CHRM3: variants seen among roughly 807,000 people sequenced by gnomAD.
CHRM3 encodes muscarinic acetylcholine receptor M3.
A neutral mutation model predicts 41.8 loss-of-function variants in CHRM3; 11 were observed. That is an observed-to-expected ratio of 0.26 (90% CI 0.17 to 0.44). The LOEUF (loss-of-function observed/expected upper bound fraction) is 0.44, where lower values mean the gene tolerates loss of function less well. Ranked by LOEUF, CHRM3 falls within the 20% of genes least tolerant of loss-of-function variation. The pLI, the probability that CHRM3 is intolerant of heterozygous loss-of-function variation, is 1.00. For missense variants in CHRM3, 571 were observed against 745.4 expected (o/e 0.77, Z 2.72); for synonymous variants, 297 against 301.4 (o/e 0.99, Z 0.15).
chr1:239,489,877 C>A (rs1320819073), intron 1 of CHRM3, among the ~76,000 whole-genome samples: 1 of 152,220 alleles, frequency 6.6e-6, no homozygotes, highest in Middle Eastern at 3.4e-3. Context: ...ATGGACAGTT[C>A]TCATGGGAAG....
intron 6 of CHRM3, among the ~76,000 whole-genome samples, chr1:239,886,909 C>T (rs1018154283): frequency 1.3e-5 from 2 of 152,150 alleles, no homozygotes; most frequent in Admixed American, 6.5e-5. Flanking sequence ...ATCAAAGCGA[C>T]CTTTTCTTTG....
chr1:239,394,998 A>G (rs1659357200), intron 1 of CHRM3, among the ~76,000 whole-genome samples: 1 of 152,082 alleles, frequency 6.6e-6, no homozygotes, highest in Admixed American at 6.5e-5. Flanking sequence ...TATAGCAATG[A>G]CTTCTCCAAA....
chr1:239,733,738 T>C (rs1472656092), intron 5 of CHRM3, among the ~76,000 whole-genome samples: 1 of 152,086 alleles, frequency 6.6e-6, no homozygotes, highest in East Asian at 1.9e-4. Flanking sequence ...TGTTGCTTAA[T>C]GTATGGCTTC....
chr1:239,696,827 AC>A (rs1660239826), intron 5 of CHRM3, among the ~76,000 whole-genome samples: 1 of 152,210 alleles, frequency 6.6e-6, no homozygotes, highest in African/African-American at 2.4e-5. Context: ...AAGCCTCAGG[AC>A]AAAAACAAAA....
intron 3 of CHRM3, among the ~76,000 whole-genome samples, chr1:239,615,189 G>A (rs1340869449): frequency 6.6e-6 from 1 of 152,146 alleles, no homozygotes; most frequent in Non-Finnish European, 1.5e-5. Flanking sequence ...CACTTTCTAT[G>A]TCCCAGACAT....
chr1:239,615,747 G>C (rs1253164625), intron 3 of CHRM3, among the ~76,000 whole-genome samples: 1 of 152,052 alleles, frequency 6.6e-6, no homozygotes, highest in South Asian at 2.1e-4. Context: ...CCTCATCCTG[G>C]ATGTAATTGA....
chr1:239,804,203 A>G (rs772696615), intron 5 of CHRM3, among the ~76,000 whole-genome samples: 2 of 152,208 alleles, frequency 1.3e-5, no homozygotes, highest in Non-Finnish European at 2.9e-5. Context: ...CAAGAGCAAA[A>G]GCACTGGAAG....
chr1:239,882,877 C>G (rs1382952478), intron 6 of CHRM3, among the ~76,000 whole-genome samples: 1 of 152,184 alleles, frequency 6.6e-6, no homozygotes, highest in Non-Finnish European at 1.5e-5. Context: ...TTCAATAAAC[C>G]TATGAAGAAG....
intron 4 of CHRM3, among the ~76,000 whole-genome samples, chr1:239,653,091 A>G (rs894945257): frequency 1.2e-4 from 18 of 152,204 alleles, no homozygotes; most frequent in Admixed American, 1.2e-3. Flanking sequence ...GAACTATTAC[A>G]ATAGGGAGAA....
rs1362140238 is a variant in CHRM3 at position 239,915,292 on chromosome 1, CAGT to C, written c.*6071_*6073del. The C allele has an allele frequency of 6.0e-6, 1 of 167,070 alleles. No individual in the cohort carries two copies. The highest frequency in any genetic ancestry group is 1.5e-5 in the Non-Finnish European group (1 of 68,116). The allele number at this position is 167,070 out of a possible 1,614,324, so 10.3% of individuals were successfully genotyped here. A position where few individuals can be genotyped will look rare whatever the true frequency, so the allele number is the denominator to read the frequency against. On this transcript the variant is annotated 3_prime_UTR_variant, in exon 7 of 7. Transcript: ENST00000676153. ...TATTACCTCGTGGCCAGCACTTCCTCAGTAGGCATTTCAGGTGTGTCACAAACC... is the reference window on the plus strand; with the variant it reads ...TATTACCTCGTGGCCAGCACTTCCTCAGGCATTTCAGGTGTGTCACAAACC...
At chr1:239,754,208 AT>A (rs1223081220) in intron 5 of CHRM3, among the ~76,000 whole-genome samples, 1 of 152,220 alleles carries the variant, frequency 6.6e-6, no homozygotes, top group African/African-American at 2.4e-5. Context: ...GTCAGAGGAA[AT>A]GTATCTTATG....
At chr1:239,441,201 C>T (rs370983760) in intron 1 of CHRM3, among the ~76,000 whole-genome samples, 20 of 152,156 alleles carry the variant, frequency 1.3e-4, no homozygotes, top group East Asian at 1.2e-3. Context: ...TGGGAAGGCA[C>T]GCTTATAATT....
chr1:239,457,568 G>A (rs1342352406), intron 1 of CHRM3, among the ~76,000 whole-genome samples: 4 of 152,056 alleles, frequency 2.6e-5, no homozygotes, highest in Non-Finnish European at 5.9e-5. Flanking sequence ...TTAAATTTGA[G>A]GTTTTGTCTA....
intron 5 of CHRM3, among the ~76,000 whole-genome samples, chr1:239,810,534 T>A (rs1182939167): frequency 1.3e-5 from 2 of 152,172 alleles, no homozygotes; most frequent in Non-Finnish European, 2.9e-5. Context: ...GATTTCCAAA[T>A]GATGTGTTTA....
At chr1:239,616,243 A>G (rs2148782084) in intron 3 of CHRM3, among the ~76,000 whole-genome samples, 1 of 152,300 alleles carries the variant, frequency 6.6e-6, no homozygotes, top group Non-Finnish European at 1.5e-5. Context: ...ATGTCTTTTT[A>G]AAGATTGTTT....
chr1:239,866,105 C>G (rs763211566), intron 6 of CHRM3, among the ~76,000 whole-genome samples: 1 of 152,106 alleles, frequency 6.6e-6, no homozygotes, highest in Non-Finnish European at 1.5e-5. Flanking sequence ...AGGCCGGGCA[C>G]GGTGGCTCAC....
chr1:239,410,519 C>A (rs531409646), intron 1 of CHRM3, among the ~76,000 whole-genome samples: 1 of 152,260 alleles, frequency 6.6e-6, no homozygotes, highest in South Asian at 2.1e-4. Context: ...ATGCACACAT[C>A]AGTCATTTCC....
At chr1:239,472,207 G>A (rs909275605) in intron 1 of CHRM3, among the ~76,000 whole-genome samples, 5 of 152,142 alleles carry the variant, frequency 3.3e-5, no homozygotes, top group African/African-American at 7.2e-5. Context: ...GGCCCATCCC[G>A]TCTTGTAGAT....
At chr1:239,650,817 T>C (rs1487846694) in intron 4 of CHRM3, among the ~76,000 whole-genome samples, 1 of 152,230 alleles carries the variant, frequency 6.6e-6, no homozygotes, top group Admixed American at 6.5e-5. Flanking sequence ...TCATAGCATC[T>C]GAATTAGTGC....
Sources: allele counts gnomAD v4.1 joint callset (sites outside exome capture counted in the v4.1 genomes callset), GRCh38; gene constraint gnomAD v4.1.1; transcripts MANE v1.5; gene names NCBI Gene and HGNC (gene_info 2026-07-23, HGNC 2026-07-21).